Variants in FABP7 observed in about 807,000 individuals in gnomAD.
The protein encoded by FABP7 is fatty acid binding protein 7.
FABP7 carries 13 observed loss-of-function variants against 14.2 expected under a neutral mutation model. The observed-to-expected ratio is 0.91, with a 90% confidence interval of 0.59 to 1.45. The LOEUF (loss-of-function observed/expected upper bound fraction) is 1.45. Among genes scored for constraint, FABP7 ranks in the 40% most tolerant of loss-of-function variants. FABP7 has a pLI of 0.00. For synonymous variants in FABP7, 49 were observed against 51.4 expected, an observed-to-expected ratio of 0.95 and a Z score of 0.20; for missense variants, 149 against 157.6, an observed-to-expected ratio of 0.95 and a Z score of 0.29.
chr6:122,773,886 T>TAA, the FABP7 span, among the ~76,000 whole-genome samples: 1 of 150,754 alleles, frequency 6.6e-6, no homozygotes, highest in African/African-American at 2.4e-5. Context: ...CACTACTTTT[T>TAA]AAAAAAAACA....
At chr6:122,752,037 A>G in the FABP7 span, among the ~76,000 whole-genome samples, 1 of 152,096 alleles carries the variant, frequency 6.6e-6, no homozygotes, top group Non-Finnish European at 1.5e-5. Context: ...GACTTCTGTA[A>G]CTGAAAAACC....
the FABP7 span, among the ~76,000 whole-genome samples, chr6:122,772,508 C>A: frequency 6.6e-6 from 1 of 152,144 alleles, no homozygotes; most frequent in Admixed American, 6.5e-5. Context: ...ACTTCCACCT[C>A]CTGGGTTCAA....
chr6:122,774,196 T>C, the FABP7 span, among the ~76,000 whole-genome samples: 1 of 151,790 alleles, frequency 6.6e-6, no homozygotes, highest in Non-Finnish European at 1.5e-5. Flanking sequence ...ACACCATCTC[T>C]ACTAAAAATA....
the FABP7 span, among the ~76,000 whole-genome samples, chr6:122,757,110 T>C: frequency 6.6e-6 from 1 of 152,200 alleles, no homozygotes; most frequent in Non-Finnish European, 1.5e-5. Context: ...ATCTTAACCA[T>C]AAACCTCTCT....
At chr6:122,754,200 G>T in the FABP7 span, among the ~76,000 whole-genome samples, 164 of 152,112 alleles carry the variant, frequency 1.1e-3, no homozygotes, top group African/African-American at 3.8e-3. Flanking sequence ...TTTTAAATAG[G>T]AGTTCCACAA....
rs1436774886 is a variant in FABP7 at position 122,783,771 on chromosome 6, T to C, written c.*4T>C. 1 of 1,609,378 alleles carries C rather than the reference T, an allele frequency of 6.2e-7. No individual in the cohort carries two copies. Reference sequence around the variant, plus strand: ...TCGCCACTATGAGAAGGCATAAAAATGTTCCTGGTCGGGGCTTGGAAGAGC... The same window carrying C: ...TCGCCACTATGAGAAGGCATAAAAACGTTCCTGGTCGGGGCTTGGAAGAGC... On this transcript the variant is annotated 3_prime_UTR_variant, in exon 4 of 4. Coordinates refer to ENST00000368444, the MANE Select transcript of FABP7 (RefSeq NM_001446.5).
chr6:122,762,518 A>G, the FABP7 span, among the ~76,000 whole-genome samples: 1 of 152,198 alleles, frequency 6.6e-6, no homozygotes, highest in Admixed American at 6.5e-5. Context: ...CCTATTCAAC[A>G]TCGTGTTGGA....
intron 2 of FABP7, 120 bp from the exon 3 acceptor site, chr6:122,780,973 G>A: frequency 8.5e-7 from 1 of 1,176,014 alleles, no homozygotes. Context: ...ATAACAATAG[G>A]ATAATTAACT....
At chr6:122,751,804 G>A in the FABP7 span, among the ~76,000 whole-genome samples, 55,777 of 151,906 alleles carry the variant, frequency 0.37, 10,656 homozygotes, top group Non-Finnish European at 0.43. Flanking sequence ...AAGGGAAGCC[G>A]GCAAAGGAAT....
upstream of FABP7, among the ~76,000 whole-genome samples, chr6:122,777,132 C>G (rs956241745): frequency 6.6e-6 from 1 of 152,166 alleles, no homozygotes; most frequent in African/African-American, 2.4e-5. Flanking sequence ...GGTTCCTGCT[C>G]TCAACAATTT....
chr6:122,780,615 C>A, intron 2 of FABP7, 152 bp downstream of exon 2: 1 of 798,724 alleles, frequency 1.3e-6, no homozygotes, highest in Non-Finnish European at 2.0e-6. Flanking sequence ...GTTTAATGTG[C>A]ATATGTTATA....
chr6:122,771,775 T>C, the FABP7 span, among the ~76,000 whole-genome samples: 1 of 152,214 alleles, frequency 6.6e-6, no homozygotes, highest in Non-Finnish European at 1.5e-5. Flanking sequence ...GGGGATCATA[T>C]ATGTTGCAAA....
upstream of FABP7, among the ~76,000 whole-genome samples, chr6:122,775,414 G>A (rs1780654908): frequency 6.6e-6 from 1 of 152,060 alleles, no homozygotes; most frequent in African/African-American, 2.4e-5. Context: ...ACTGTGGAAA[G>A]GACGGTCACT....
rs1484456828 is a variant in FABP7 at position 122,780,289 on chromosome 6, A to C, written c.74-2A>C. 6.2e-7 allele frequency: 1 copy of C among 1,613,842 alleles called. No homozygotes were observed. Among genetic ancestry groups the C allele is most frequent in the African/African-American group, 1.3e-5 (1 of 74,912 alleles). On this transcript the variant is annotated splice_acceptor_variant, in intron 1 of 3. Transcript: ENST00000368444. LOFTEE classifies it high-confidence loss of function. ...ACTGTACTGTTCCCTTTGCTATTTT[A>C]GGCGTGGGCTTTGCCACTAGGCAGG...
the FABP7 span, among the ~76,000 whole-genome samples, chr6:122,769,957 A>G: frequency 6.6e-6 from 1 of 152,154 alleles, no homozygotes; most frequent in Non-Finnish European, 1.5e-5. Flanking sequence ...CAGCTATTGA[A>G]TGAGAAATAT....
the FABP7 span, among the ~76,000 whole-genome samples, chr6:122,750,332 A>C: frequency 2.0e-5 from 3 of 152,158 alleles, no homozygotes; most frequent in Non-Finnish European, 4.4e-5. Flanking sequence ...CTACCAGTAG[A>C]TCTTAAAATA....
upstream of FABP7, among the ~76,000 whole-genome samples, chr6:122,776,370 C>T (rs1296082685): frequency 3.9e-5 from 6 of 152,058 alleles, no homozygotes; most frequent in Non-Finnish European, 8.8e-5. Flanking sequence ...TTATCATTTG[C>T]CACAACATGG....
upstream of FABP7, among the ~76,000 whole-genome samples, chr6:122,775,972 T>C (rs1214899408): frequency 6.6e-6 from 1 of 152,042 alleles, no homozygotes; most frequent in East Asian, 1.9e-4. Flanking sequence ...ATTAGGGAAA[T>C]ACAAACCAAA....
upstream of FABP7, among the ~76,000 whole-genome samples, chr6:122,775,951 C>T (rs1318864541): frequency 1.3e-5 from 2 of 152,078 alleles, no homozygotes; most frequent in Non-Finnish European, 2.9e-5. Flanking sequence ...AAATACTCAA[C>T]ACCACTAATT....
Sources: allele counts gnomAD v4.1 joint callset (sites outside exome capture counted in the v4.1 genomes callset), GRCh38; gene constraint gnomAD v4.1.1; transcripts MANE v1.5; gene names NCBI Gene and HGNC (gene_info 2026-07-23, HGNC 2026-07-21).